The following RALGPS2 variants were observed in gnomAD, a reference collection of about 807,000 sequenced individuals.
RALGPS2 encodes Ral GEF with PH domain and SH3 binding motif 2, also known as ras-specific guanine nucleotide-releasing factor RalGPS2.
A neutral mutation model predicts 86.8 loss-of-function variants in RALGPS2; 43 were observed. The ratio of observed to expected loss-of-function variants is 0.50; its 90% CI spans 0.39 to 0.64. The LOEUF is 0.64. Among genes scored for constraint, RALGPS2 ranks in the 30% least tolerant of loss-of-function variants. The probability of loss-of-function intolerance (pLI) is 0.00; values close to 1 mark genes in which losing one functional copy is unlikely to be tolerated. For missense variants in RALGPS2, 536 were observed against 694.6 expected (o/e 0.77, Z 2.57); for synonymous variants, 243 against 231.3 (o/e 1.05, Z -0.46).
At chr1:178,747,861 TACTA>T in intron 1 of RALGPS2, 2 of 578,930 alleles carry the variant, frequency 3.5e-6, no homozygotes, top group South Asian at 2.0e-5. Context: ...TGTTAATAGT[TACTA>T]AATAAATGGG....
At chr1:178,730,977 C>T (rs538043647) in intron 1 of RALGPS2, among the ~76,000 whole-genome samples, 2 of 152,198 alleles carry the variant, frequency 1.3e-5, no homozygotes, top group South Asian at 2.1e-4. Flanking sequence ...GGATTATAGG[C>T]GTGAGCCACT....
intron 7 of RALGPS2, among the ~76,000 whole-genome samples, chr1:178,823,538 G>A (rs1003153049): frequency 2.0e-5 from 3 of 152,202 alleles, no homozygotes; most frequent in African/African-American, 7.2e-5. Flanking sequence ...GTAGAGACCT[G>A]GAGGAATTGA....
At chr1:178,736,981 T>G (rs1650747383) in intron 1 of RALGPS2, among the ~76,000 whole-genome samples, 1 of 152,210 alleles carries the variant, frequency 6.6e-6, no homozygotes, top group African/African-American at 2.4e-5. Flanking sequence ...CCCTACTAGT[T>G]CACATTAATG....
At chr1:178,727,870 A>G (rs1028871929) in intron 1 of RALGPS2, among the ~76,000 whole-genome samples, 1 of 152,194 alleles carries the variant, frequency 6.6e-6, no homozygotes, top group South Asian at 2.1e-4. Context: ...GGCTTAAATG[A>G]TAAGTGGGCA....
rs185398123 is a variant in RALGPS2, at chr1:178,732,659, A to G, written c.-84+7240A>G. On this transcript the variant is annotated intron_variant, in intron 1 of 19. Coordinates refer to ENST00000367635, the MANE Select transcript of RALGPS2 (RefSeq NM_152663.5). ...TCATCATTAATTATAATGCCTTACT[A>G]TTGGTTTTGATAAATAACTTAAGAC... Among the ~76,000 whole-genome samples the G allele has an allele frequency of 2.6e-5, 4 of 151,472 alleles. No homozygotes were observed. The East Asian group carries it at 7.8e-4, about 29-fold the overall frequency.
At chr1:178,780,125 G>A (rs558204380) in intron 2 of RALGPS2, among the ~76,000 whole-genome samples, 4 of 152,092 alleles carry the variant, frequency 2.6e-5, no homozygotes, top group Non-Finnish European at 4.4e-5. Context: ...CTTATATAAC[G>A]TAATCATGGA....
chr1:178,875,732 C>A (rs1658973658), intron 8 of RALGPS2, among the ~76,000 whole-genome samples: 1 of 151,094 alleles, frequency 6.6e-6, no homozygotes, highest in African/African-American at 2.4e-5. Flanking sequence ...TGTGACAGAG[C>A]AAGACTCTTT....
At chr1:178,848,840 G>T (rs1305183014) in intron 8 of RALGPS2, among the ~76,000 whole-genome samples, 1 of 152,092 alleles carries the variant, frequency 6.6e-6, no homozygotes. Context: ...ATGTCGGCCA[G>T]GCTGGTCTCA....
chr1:178,875,254 A>C (rs1270296380), intron 8 of RALGPS2, among the ~76,000 whole-genome samples: 1 of 152,180 alleles, frequency 6.6e-6, no homozygotes, highest in Non-Finnish European at 1.5e-5. Flanking sequence ...TTCCCATCTC[A>C]AAGTTTTTCA....
At chr1:178,732,668 G>A (rs1338975819) in intron 1 of RALGPS2, among the ~76,000 whole-genome samples, 11 of 150,784 alleles carry the variant, frequency 7.3e-5, no homozygotes, top group Admixed American at 7.3e-4. Flanking sequence ...TATTGGTTTT[G>A]ATAAATAACT....
chr1:178,768,343 G>T (rs900118986), intron 1 of RALGPS2, among the ~76,000 whole-genome samples: 9 of 152,142 alleles, frequency 5.9e-5, no homozygotes, highest in African/African-American at 1.2e-4. Flanking sequence ...TGTGCAGGTA[G>T]AATTTTTTCC....
intron 1 of RALGPS2, among the ~76,000 whole-genome samples, chr1:178,763,899 T>C (rs1652371149): frequency 6.6e-6 from 1 of 152,016 alleles, no homozygotes. Flanking sequence ...TTAATGAGGA[T>C]TGTTTTATGT....
intron 6 of RALGPS2, among the ~76,000 whole-genome samples, chr1:178,814,472 G>T (rs1257302146): frequency 6.6e-6 from 1 of 151,972 alleles, no homozygotes; most frequent in Non-Finnish European, 1.5e-5. Flanking sequence ...TTGTTGTTCT[G>T]TCACCCAGGC....
At chr1:178,802,237 T>G (rs1193416240) in intron 4 of RALGPS2, among the ~76,000 whole-genome samples, 1 of 152,082 alleles carries the variant, frequency 6.6e-6, no homozygotes, top group African/African-American at 2.4e-5. Flanking sequence ...AAGAAAATGT[T>G]ATTAGGAAAA....
chr1:178,795,974 T>C (rs1374067892), intron 4 of RALGPS2, among the ~76,000 whole-genome samples: 1 of 152,152 alleles, frequency 6.6e-6, no homozygotes, highest in African/African-American at 2.4e-5. Context: ...AGACTTGAAA[T>C]TGTTCTGCTA....
intron 8 of RALGPS2, among the ~76,000 whole-genome samples, chr1:178,858,155 G>T (rs1657719760): frequency 6.6e-6 from 1 of 152,004 alleles, no homozygotes; most frequent in African/African-American, 2.4e-5. Context: ...AAAGATATTA[G>T]ATATCAGAAT....
intron 1 of RALGPS2, chr1:178,746,940 G>A: frequency 9.6e-7 from 1 of 1,038,810 alleles, no homozygotes; most frequent in African/African-American, 1.5e-5. Context: ...TTTGGTGAAT[G>A]ATCAAAAGCA....
chr1:178,856,202 G>GAGATAGAT (rs1428022812), intron 8 of RALGPS2, among the ~76,000 whole-genome samples: 1 of 83,912 alleles, frequency 1.2e-5, no homozygotes, highest in African/African-American at 6.4e-5. Flanking sequence ...GAGAGAGAGA[G>GAGATAGAT]ATATATATAT....
chr1:178,878,312 T>G (rs1659084507), intron 9 of RALGPS2, among the ~76,000 whole-genome samples: 1 of 152,158 alleles, frequency 6.6e-6, no homozygotes. Context: ...AAAACTGAGT[T>G]TTACATTATA....
Sources: allele counts gnomAD v4.1 joint callset (sites outside exome capture counted in the v4.1 genomes callset), GRCh38; gene constraint gnomAD v4.1.1; transcripts MANE v1.5; gene names NCBI Gene and HGNC (gene_info 2026-07-23, HGNC 2026-07-21).